The following CHEK1 variants were observed in gnomAD, a reference collection of about 807,000 sequenced individuals.
CHEK1 encodes serine/threonine-protein kinase Chk1.
A neutral mutation model predicts 60.2 loss-of-function variants in CHEK1; 32 were observed. That is an observed-to-expected ratio of 0.53 (90% CI 0.40 to 0.71). The LOEUF is 0.71. CHEK1 is among the 30% of genes least tolerant of loss of function. The probability of loss-of-function intolerance (pLI) is 0.00; values close to 1 mark genes in which losing one functional copy is unlikely to be tolerated. For synonymous variants in CHEK1, 179 were observed against 187.2 expected (o/e 0.96, Z 0.36); for missense variants, 399 against 564.6 (o/e 0.71, Z 2.97).
At chr11:125,681,004 A>G (rs2134137046), downstream of CHEK1, 1 of 466,140 alleles carries the variant, frequency 2.1e-6, no homozygotes, top group East Asian at 3.6e-5. The surrounding 1 kb of genome is among the most constrained non-coding windows in gnomAD (Gnocchi z 4.2). Flanking sequence ...TTCACTAGTG[A>G]AGACCAATGA....
rs746582262 is a variant in CHEK1 at position 125,635,542 on chromosome 11, AT to A, written c.718+11del. 95 of 1,544,802 alleles carry A rather than the reference AT, an allele frequency of 6.1e-5. No individual in the cohort carries two copies. Among genetic ancestry groups the A allele is most frequent in the Non-Finnish European group, 8.1e-5 (92 of 1,133,704 alleles). Reference sequence around the variant, plus strand: ...CGATTCTGCTCCTCTAGGTAACTGAATTATCTTGAGTGAAAGAGTACCGATT... The same window carrying A: ...CGATTCTGCTCCTCTAGGTAACTGAATATCTTGAGTGAAAGAGTACCGATT... On this transcript the variant is annotated intron_variant, in intron 7 of 12. Coordinates refer to ENST00000438015, the MANE Select transcript of CHEK1 (RefSeq NM_001114122.3).
chr11:125,640,003 A>T (rs1196835748), intron 8 of CHEK1, among the ~76,000 whole-genome samples: 1 of 152,126 alleles, frequency 6.6e-6, no homozygotes, highest in Non-Finnish European at 1.5e-5. Context: ...ATCAAATCAT[A>T]ATGGTAATAA....
At chr11:125,662,374 T>A (rs1942033373) in intron 13 of CHEK1, among the ~76,000 whole-genome samples, 1 of 152,202 alleles carries the variant, frequency 6.6e-6, no homozygotes. Context: ...CATAACCTAA[T>A]CACTTCCCAA....
intron 12 of CHEK1, 138 bp from the exon 13 acceptor site, chr11:125,655,087 A>G: frequency 1.6e-6 from 1 of 624,800 alleles, no homozygotes; most frequent in African/African-American, 1.9e-5. Context: ...CTTCATAAAC[A>G]GACCGAAAAG....
At chr11:125,651,014 C>G (rs1758000662) in intron 11 of CHEK1, among the ~76,000 whole-genome samples, 1 of 152,008 alleles carries the variant, frequency 6.6e-6, no homozygotes, top group African/African-American at 2.4e-5. Context: ...TCAGCTCTTT[C>G]CTAAGCATAT....
At chr11:125,626,215 A>G in intron 1 of CHEK1, 1 of 582,908 alleles carries the variant, frequency 1.7e-6, no homozygotes, top group Non-Finnish European at 3.1e-6. Context: ...GGAGGGACTA[A>G]CCCGCTGCTA....
At chr11:125,677,955 T>G (rs1302257246), downstream of CHEK1, 4 of 1,612,346 alleles carry the variant, frequency 2.5e-6, no homozygotes, top group African/African-American at 5.3e-5. Context: ...TGACTCAAGC[T>G]CACTCAAAGG....
intron 5 of CHEK1, among the ~76,000 whole-genome samples, chr11:125,629,845 C>T (rs1210161561): frequency 1.3e-5 from 2 of 152,008 alleles, no homozygotes; most frequent in East Asian, 1.9e-4. Flanking sequence ...CTCAGCTTCC[C>T]GAGTAGCTAG....
chr11:125,626,237 C>G (rs1940595912), intron 1 of CHEK1: 1 of 576,080 alleles, frequency 1.7e-6, no homozygotes, highest in Non-Finnish European at 3.1e-6. Flanking sequence ...CTAAGAACCC[C>G]AAGGAAGAGT....
downstream of CHEK1, among the ~76,000 whole-genome samples, chr11:125,677,293 C>A (rs192867657): frequency 3.7e-3 from 568 of 152,306 alleles, 2 homozygotes; most frequent in African/African-American, 0.013. Context: ...GAGCCACAGA[C>A]TAGCAGTTGT....
At chr11:125,652,442 C>T (rs1293878738) in intron 11 of CHEK1, among the ~76,000 whole-genome samples, 2 of 152,174 alleles carry the variant, frequency 1.3e-5, no homozygotes, top group African/African-American at 4.8e-5. Flanking sequence ...TTCTTTCTCA[C>T]ATTTTAATAA....
intron 11 of CHEK1, among the ~76,000 whole-genome samples, chr11:125,652,673 A>G (rs974866903): frequency 6.6e-6 from 1 of 152,202 alleles, no homozygotes; most frequent in African/African-American, 2.4e-5. Flanking sequence ...TACTCCTGTT[A>G]TGGAGGTAGC....
At chr11:125,650,193 T>C (rs1420704453) in intron 11 of CHEK1, among the ~76,000 whole-genome samples, 1 of 152,100 alleles carries the variant, frequency 6.6e-6, no homozygotes, top group Non-Finnish European at 1.5e-5. Context: ...TCATTATGTT[T>C]ATTGTTGGTA....
chr11:125,632,556 A>G (rs774038162), intron 5 of CHEK1, among the ~76,000 whole-genome samples: 3 of 152,304 alleles, frequency 2.0e-5, no homozygotes, highest in East Asian at 3.9e-4. Context: ...TTCACTAAAC[A>G]TAAGTTAAGT....
chr11:125,670,362 G>T (rs1331743659), intron 13 of CHEK1, among the ~76,000 whole-genome samples: 2 of 151,666 alleles, frequency 1.3e-5, no homozygotes, highest in Admixed American at 6.6e-5. Flanking sequence ...TTTTTTCTTG[G>T]CTATGGGTCA....
At chr11:125,642,468 G>C (rs989209038) in intron 8 of CHEK1, among the ~76,000 whole-genome samples, 1 of 151,970 alleles carries the variant, frequency 6.6e-6, no homozygotes, top group South Asian at 2.1e-4. Context: ...CTGATACCTA[G>C]AATAATGCCT....
intron 13 of CHEK1, among the ~76,000 whole-genome samples, chr11:125,669,821 A>G (rs994029576): frequency 1.3e-5 from 2 of 151,960 alleles, no homozygotes; most frequent in African/African-American, 4.8e-5. Flanking sequence ...ACTGTGCCCG[A>G]CCATGCCTAG....
intron 11 of CHEK1, among the ~76,000 whole-genome samples, chr11:125,648,988 A>T (rs1941609603): frequency 6.6e-6 from 1 of 151,998 alleles, no homozygotes. Context: ...CTAACTTTTT[A>T]AAAATGTTTT....
chr11:125,639,163 G>A (rs905511396), intron 8 of CHEK1, among the ~76,000 whole-genome samples: 1 of 151,964 alleles, frequency 6.6e-6, no homozygotes, highest in Admixed American at 6.6e-5. Flanking sequence ...GTAAAACCCA[G>A]TAAGTAGTTT....
Sources: gnomAD v4.1 joint callset for allele counts (sites outside exome capture counted in the v4.1 genomes callset) on GRCh38, gnomAD v4.1.1 for gene constraint, Gnocchi (gnomAD v3.1) non-coding constraint, MANE v1.5 for transcripts, NCBI Gene and HGNC (gene_info 2026-07-23, HGNC 2026-07-21) for gene names.